The following RAP1GAP2 variants were observed in gnomAD, a reference collection of about 807,000 sequenced individuals.
RAP1GAP2 encodes the protein rap1 GTPase-activating protein 2.
Under a neutral mutation model 95.0 loss-of-function variants are expected in RAP1GAP2, and 27 were observed. The observed-to-expected ratio is 0.28, with a 90% CI of 0.21 to 0.39. The LOEUF (loss-of-function observed/expected upper bound fraction) is 0.39. RAP1GAP2 is among the 10% of genes least tolerant of loss of function. The probability of loss-of-function intolerance (pLI) is 1.00; values close to 1 mark genes in which losing one functional copy is unlikely to be tolerated. For synonymous variants in RAP1GAP2, 373 were observed against 380.9 expected, an observed-to-expected ratio of 0.98 and a Z score of 0.24; for missense variants, 771 against 970.0, an observed-to-expected ratio of 0.79 and a Z score of 2.72.
At chr17:2,980,192 C>G (rs1429121943) in intron 8 of RAP1GAP2, 95 bp from the exon 9 acceptor site, 1 of 1,182,138 alleles carries the variant, frequency 8.5e-7, no homozygotes, top group Non-Finnish European at 1.2e-6. Flanking sequence ...ATCTGCCCTC[C>G]TTGGCCTCCC....
At chr17:2,798,217 G>A (rs1223155333) in intron 1 of RAP1GAP2, among the ~76,000 whole-genome samples, 5 of 152,162 alleles carry the variant, frequency 3.3e-5, no homozygotes, top group Admixed American at 2.6e-4. Context: ...GCCGAAGGTG[G>A]AGGAAGAGCC....
intron 3 of RAP1GAP2, among the ~76,000 whole-genome samples, chr17:2,947,785 C>T (rs917205547): frequency 3.9e-5 from 6 of 152,108 alleles, no homozygotes; most frequent in African/African-American, 9.7e-5. Flanking sequence ...GCTCCCAGGG[C>T]GTGCCCTGTT....
intron 11 of RAP1GAP2, among the ~76,000 whole-genome samples, chr17:2,985,450 C>T (rs953988233): frequency 6.6e-6 from 1 of 152,190 alleles, no homozygotes; most frequent in African/African-American, 2.4e-5. Context: ...CTTTTTCTCC[C>T]CAAACTTGAG....
rs189091691 is a variant in RAP1GAP2 at position 3,029,063 on chromosome 17, G to A, written c.2108-1859G>A. ...TCCACCCACCTCGGCCTCCCAAAGT[G>A]CTGGGATTACAGGCGTGAGCCACCG... On this transcript the variant is annotated intron_variant, in intron 22 of 24. Transcript: ENST00000254695. The surrounding 1 kb of genome is among the most constrained non-coding windows in gnomAD (Gnocchi z 4.4). 2.3e-4 allele frequency among the ~76,000 whole-genome samples: 35 copies of A among 152,306 alleles called. No individual in the cohort carries two copies. The East Asian group carries it at 6.4e-3, about 28-fold the overall frequency.
intron 2 of RAP1GAP2, among the ~76,000 whole-genome samples, chr17:2,853,741 G>A (rs1403926850): frequency 1.4e-5 from 2 of 143,094 alleles, no homozygotes; most frequent in Non-Finnish European, 3.1e-5. Context: ...CGCCCCGAGC[G>A]AGCCTCGGAA....
exon 2 of RAP1GAP2, chr17:2,770,445 G>C (rs2068368314): frequency 2.5e-6 from 1 of 398,642 alleles, no homozygotes; most frequent in South Asian, 1.3e-4. Flanking sequence ...TCTCCCTCCA[G>C]GTAAAGGGGC....
chr17:2,776,612 C>T (rs1418983712), upstream of RAP1GAP2, among the ~76,000 whole-genome samples: 1 of 151,774 alleles, frequency 6.6e-6, no homozygotes, highest in Non-Finnish European at 1.5e-5. Context: ...GACCAGGGCG[C>T]GCCCCGGGTG....
chr17:2,806,518 G>A (rs1448360740), intron 2 of RAP1GAP2, among the ~76,000 whole-genome samples: 15 of 148,728 alleles, frequency 1.0e-4, no homozygotes, highest in African/African-American at 3.5e-4. Context: ...TCAGCCTCCC[G>A]AGTAGCTGGG....
chr17:2,905,402 G>GA, intron 3 of RAP1GAP2, 34 bp downstream of exon 3: 1 of 1,602,748 alleles, frequency 6.2e-7, no homozygotes, highest in Non-Finnish European at 8.5e-7. Context: ...GCAGGGAGGG[G>GA]AGAGTGTGGG....
upstream of RAP1GAP2, among the ~76,000 whole-genome samples, chr17:2,794,809 A>G (rs1163998378): frequency 1.3e-5 from 2 of 151,450 alleles, no homozygotes; most frequent in East Asian, 3.9e-4. Context: ...CCAGAGAGGA[A>G]ATTTCAGGGA....
chr17:3,022,437 G>A (rs893494161), intron 19 of RAP1GAP2, among the ~76,000 whole-genome samples: 2 of 152,078 alleles, frequency 1.3e-5, no homozygotes, highest in Non-Finnish European at 2.9e-5. Context: ...AGTTGAGAAC[G>A]GTTGTCTGTG....
At chr17:2,859,830 C>T (rs1484129438) in intron 2 of RAP1GAP2, among the ~76,000 whole-genome samples, 1 of 152,046 alleles carries the variant, frequency 6.6e-6, no homozygotes, top group Admixed American at 6.6e-5. Context: ...TGGATGGCAT[C>T]TCCTGGTGTT....
At position 2,904,529 on chromosome 17, in the gene RAP1GAP2, C is replaced by CGTGTGTGTGTGTGTGT. The variant is rs1400648500; in HGVS notation, c.81-755_81-754insGTGTGTGTGTGTGTGT. On this transcript the variant is annotated intron_variant, in intron 2 of 24. Coordinates refer to ENST00000254695, the MANE Select transcript of RAP1GAP2 (RefSeq NM_015085.5). The surrounding 1 kb of genome is among the most constrained non-coding windows in gnomAD (Gnocchi z 4.7). ...CCCGAGGACAGCTTTTTGACCAGGG[C>CGTGTGTGTGTGTGTGT]CTGTGTGTGTGTGTGTGTGTGTGTG... Among the ~76,000 whole-genome samples, 9 of 33,648 alleles carry CGTGTGTGTGTGTGTGT rather than the reference C, an allele frequency of 2.7e-4. No homozygotes were observed. Among genetic ancestry groups the CGTGTGTGTGTGTGTGT allele is most frequent in the Non-Finnish European group, 7.0e-4 (8 of 11,420 alleles). 22.1% of individuals were successfully genotyped at this position (33,648 alleles called of 152,430 possible).
chr17:2,796,067 A>T (rs977401438), upstream of RAP1GAP2, among the ~76,000 whole-genome samples: 2 of 152,092 alleles, frequency 1.3e-5, no homozygotes, highest in African/African-American at 4.8e-5. The surrounding 1 kb of genome is among the most constrained non-coding windows in gnomAD (Gnocchi z 4.7). Context: ...TCCCTGTCTC[A>T]GGCAGCCCTC....
chr17:2,809,960 G>T (rs1441935669), intron 2 of RAP1GAP2, among the ~76,000 whole-genome samples: 1 of 152,028 alleles, frequency 6.6e-6, no homozygotes, highest in Admixed American at 6.5e-5. Flanking sequence ...CTAGCAGGGA[G>T]TTGGGGATGT....
At chr17:2,924,441 A>C (rs2042889005) in intron 3 of RAP1GAP2, among the ~76,000 whole-genome samples, 1 of 151,964 alleles carries the variant, frequency 6.6e-6, no homozygotes, top group South Asian at 2.1e-4. Flanking sequence ...TGTTAATAGG[A>C]TGGCTGGTTG....
chr17:2,974,194 A>AG lies in RAP1GAP2; in HGVS notation c.597-6093_597-6092insG, dbSNP rs890753871. Among the ~76,000 whole-genome samples the AG allele has an allele frequency of 7.3e-5, 11 of 151,640 alleles. 1 individual carries two copies. Among genetic ancestry groups the AG allele is most frequent in the Admixed American group, 7.2e-4 (11 of 15,222 alleles). ...GTCTCTACTAAAAATACAAAAAAAA[A>AG]AAAAATTAGCTGGGCGCAGTGGCAG... On this transcript the variant is annotated intron_variant, in intron 8 of 24. Transcript: ENST00000254695.
chr17:2,877,783 A>T (rs2073149028), intron 2 of RAP1GAP2, among the ~76,000 whole-genome samples: 1 of 152,102 alleles, frequency 6.6e-6, no homozygotes, highest in Admixed American at 6.6e-5. Context: ...GAATGCTTGA[A>T]ATTTGGTTCT....
rs931589517 is a variant in RAP1GAP2 at position 2,796,648 on chromosome 17, C to T, written c.44+77C>T. ...AAGTCTTGTTAAGTGCATTGGCGGC[C>T]GTGGGAACAGAGGGGCTCGGGCTGT... On this transcript the variant is annotated intron_variant, in intron 1 of 24. Coordinates refer to ENST00000254695, the MANE Select transcript of RAP1GAP2 (RefSeq NM_015085.5). This position sits in a 1 kb window ranked among gnomAD's most constrained non-coding sequence, Gnocchi z 4.7. 3.0e-5 allele frequency: 45 copies of T among 1,501,746 alleles called. No individual in the cohort carries two copies. Among genetic ancestry groups the T allele is most frequent in the African/African-American group, 4.2e-5 (3 of 72,012 alleles). The allele number at this position is 1,501,746 out of a possible 1,614,324, so 93.0% of individuals were successfully genotyped here.
Sources: allele counts gnomAD v4.1 joint callset (sites outside exome capture counted in the v4.1 genomes callset), GRCh38; gene constraint gnomAD v4.1.1; non-coding constraint Gnocchi (gnomAD v3.1); transcripts MANE v1.5; gene names NCBI Gene and HGNC (gene_info 2026-07-23, HGNC 2026-07-21).